ORC4: variants seen among roughly 807,000 people sequenced by gnomAD.
The protein encoded by ORC4 is origin recognition complex subunit 4.
Under a neutral mutation model 63.9 loss-of-function variants are expected in ORC4, and 55 were observed. The observed-to-expected ratio is 0.86, with a 90% CI of 0.69 to 1.08. The LOEUF is 1.08. Among genes scored for constraint, ORC4 ranks in the 50% least tolerant of loss-of-function variants. The pLI is 0.00. For missense variants in ORC4, 511 were observed against 504.4 expected (o/e 1.01, Z -0.13); for synonymous variants, 150 against 168.5 (o/e 0.89, Z 0.85).
chr2:147,971,983 A>AT (rs1444574621), intron 4 of ORC4, among the ~76,000 whole-genome samples: 4 of 152,078 alleles, frequency 2.6e-5, no homozygotes, highest in East Asian at 1.9e-4. Flanking sequence ...CTTCTCATCC[A>AT]TTTTTTTAAA....
intron 4 of ORC4, among the ~76,000 whole-genome samples, chr2:147,971,528 T>C (rs114935891): frequency 0.013 from 1,933 of 152,008 alleles, 47 homozygotes; most frequent in African/African-American, 0.044. Context: ...CATATGTCAT[T>C]AGAGAATTAC....
chr2:147,950,799 A>ACTTG (rs998757899), intron 8 of ORC4, among the ~76,000 whole-genome samples: 6 of 151,632 alleles, frequency 4.0e-5, no homozygotes, highest in African/African-American at 1.5e-4. Flanking sequence ...AAAAAATTAC[A>ACTTG]CTTGAAAGAA....
chr2:147,972,252 G>A (rs997057794), intron 4 of ORC4, among the ~76,000 whole-genome samples: 1 of 152,082 alleles, frequency 6.6e-6, no homozygotes, highest in Non-Finnish European at 1.5e-5. Context: ...AACTGTGTAA[G>A]TTAGGGTTAA....
intron 12 of ORC4, 40 bp from the exon 13 acceptor site, chr2:147,938,253 G>T: frequency 1.3e-6 from 2 of 1,590,360 alleles, no homozygotes; most frequent in Non-Finnish European, 1.7e-6. Context: ...CTTCAAATAA[G>T]CAGTGGGGAA....
intron 1 of ORC4, among the ~76,000 whole-genome samples, chr2:147,995,695 G>A (rs899506114): frequency 8.5e-5 from 13 of 152,068 alleles, no homozygotes; most frequent in Admixed American, 2.6e-4. Flanking sequence ...GCGAAGGTCC[G>A]CTGCTTCACT....
chr2:148,010,932 G>A (rs756900577), intron 1 of ORC4, among the ~76,000 whole-genome samples: 2 of 145,400 alleles, frequency 1.4e-5, no homozygotes, highest in Non-Finnish European at 3.0e-5. Context: ...GGGTTCAAGC[G>A]ATTCTCCTGC....
At chr2:148,015,526 G>C (rs866936044) in intron 1 of ORC4, among the ~76,000 whole-genome samples, 1 of 151,892 alleles carries the variant, frequency 6.6e-6, no homozygotes, top group Non-Finnish European at 1.5e-5. Flanking sequence ...ATGTTAGCCA[G>C]GATGGTATCG....
intron 1 of ORC4, among the ~76,000 whole-genome samples, chr2:148,019,463 A>G (rs1488117021): frequency 6.6e-6 from 1 of 152,150 alleles, no homozygotes; most frequent in African/African-American, 2.4e-5. Flanking sequence ...GTGGTGGCAC[A>G]TGCCTGTAGT....
chr2:148,012,099 T>G (rs1693004748), intron 1 of ORC4, among the ~76,000 whole-genome samples: 1 of 151,874 alleles, frequency 6.6e-6, no homozygotes, highest in African/African-American at 2.4e-5. Flanking sequence ...AAAAAAATCC[T>G]AAAATTGTAT....
intron 4 of ORC4, among the ~76,000 whole-genome samples, chr2:147,959,644 T>C (rs1424095433): frequency 2.6e-5 from 4 of 152,114 alleles, no homozygotes; most frequent in Non-Finnish European, 5.9e-5. Context: ...TGCAACACCT[T>C]ATCTAAAAAG....
chr2:147,955,411 A>C lies in ORC4; in HGVS notation c.388-16T>G. 5 of 1,582,410 alleles carry C rather than the reference A, an allele frequency of 3.2e-6. No individual in the cohort carries two copies. The highest frequency in any genetic ancestry group is 4.3e-6 in the Non-Finnish European group (5 of 1,153,620). On this transcript the variant is annotated splice_polypyrimidine_tract_variant and intron_variant, in intron 6 of 13. Coordinates refer to ENST00000392857, the MANE Select transcript of ORC4 (RefSeq NM_181741.4). ...CAAAGCTTCCCTGAACAACAAAATG[A>C]GATAAAATGATTAAAAGTTTAGTGA...
chr2:147,964,735 TTTC>T (rs1320551677), intron 4 of ORC4, among the ~76,000 whole-genome samples: 1 of 152,222 alleles, frequency 6.6e-6, no homozygotes, highest in Admixed American at 6.5e-5. Context: ...TAACAGTAGA[TTTC>T]TTCTTCTTTA....
chr2:147,935,305 C>G lies in ORC4; in HGVS notation c.*205G>C. On this transcript the variant is annotated 3_prime_UTR_variant, in exon 14 of 14. Coordinates refer to ENST00000392857, the MANE Select transcript of ORC4 (RefSeq NM_181741.4). ...TTTTATTCTTCTGAACAGCTACTTACAAAGTAATCTCAATCAGTGAAATTA... is the reference window on the plus strand; with the variant it reads ...TTTTATTCTTCTGAACAGCTACTTAGAAAGTAATCTCAATCAGTGAAATTA... 1.7e-6 allele frequency: 1 copy of G among 583,244 alleles called. No homozygotes were observed. Among genetic ancestry groups the G allele is most frequent in the Non-Finnish European group, 3.1e-6 (1 of 325,030 alleles). 36.1% of individuals were successfully genotyped at this position (583,244 alleles called of 1,614,324 possible).
intron 1 of ORC4, among the ~76,000 whole-genome samples, chr2:147,980,005 G>C (rs1018449092): frequency 6.6e-6 from 1 of 152,046 alleles, no homozygotes; most frequent in East Asian, 1.9e-4. Flanking sequence ...CACTGGACTC[G>C]GCAAAGATTT....
rs561138375 is a variant in ORC4 at position 148,020,649 on chromosome 2, A to G, written c.-34T>C. 1.3e-5 allele frequency: 2 copies of G among 152,638 alleles called. No individual in the cohort carries two copies. Among genetic ancestry groups the G allele is most frequent in the Admixed American group, 1.3e-4 (2 of 15,304 alleles). 9.5% of individuals were successfully genotyped at this position (152,638 alleles called of 1,614,324 possible). A position where few individuals can be genotyped will look rare whatever the true frequency, so the allele number is the denominator to read the frequency against. On this transcript the variant is annotated 5_prime_UTR_variant, in exon 1 of 14. Coordinates refer to ENST00000392857, the MANE Select transcript of ORC4 (RefSeq NM_181741.4). ...TGCATTTACCAGGTCAAAGAGGGGAACCAACGCCTGCAGGAATCGCTTCAC... is the reference window on the plus strand; with the variant it reads ...TGCATTTACCAGGTCAAAGAGGGGAGCCAACGCCTGCAGGAATCGCTTCAC...
chr2:147,973,740 T>G (rs1690362687), intron 2 of ORC4, among the ~76,000 whole-genome samples: 1 of 152,160 alleles, frequency 6.6e-6, no homozygotes, highest in Non-Finnish European at 1.5e-5. Context: ...GAATGAGAAT[T>G]TAGTTGTGAA....
At chr2:148,014,529 G>GA (rs970543572) in intron 1 of ORC4, among the ~76,000 whole-genome samples, 3 of 151,908 alleles carry the variant, frequency 2.0e-5, no homozygotes, top group African/African-American at 7.3e-5. Flanking sequence ...AGGCACACAA[G>GA]AAAAAAATAT....
chr2:147,938,540 T>A (rs189043976), intron 11 of ORC4, 147 bp from the exon 12 acceptor site: 1 of 619,184 alleles, frequency 1.6e-6, no homozygotes, highest in Non-Finnish European at 2.9e-6. Flanking sequence ...GTGTTTCAAT[T>A]ATCTATATAA....
At chr2:147,947,671 T>C (rs1373979395) in intron 9 of ORC4, 11 of 153,920 alleles carry the variant, frequency 7.1e-5, no homozygotes, top group Admixed American at 4.6e-4. Context: ...CCACACATAA[T>C]AGGTATGAGT....
Sources: gnomAD v4.1 joint callset for allele counts (sites outside exome capture counted in the v4.1 genomes callset) on GRCh38, gnomAD v4.1.1 for gene constraint, MANE v1.5 for transcripts, NCBI Gene and HGNC (gene_info 2026-07-23, HGNC 2026-07-21) for gene names.